The following CTNNA2 variants were observed in gnomAD, a reference collection of about 807,000 sequenced individuals.
The protein encoded by CTNNA2 is catenin alpha-2.
CTNNA2 carries 42 observed loss-of-function variants against 101.0 expected under a neutral mutation model. The observed-to-expected ratio is 0.42, with a 90% CI of 0.32 to 0.54. The LOEUF is 0.54. Ranked by LOEUF, CTNNA2 falls within the 20% of genes least tolerant of loss-of-function variation. CTNNA2 has a pLI of 0.14. For missense variants in CTNNA2, 871 were observed against 1,223.1 expected, an observed-to-expected ratio of 0.71 and a Z score of 4.29; for synonymous variants, 450 against 456.4, an observed-to-expected ratio of 0.99 and a Z score of 0.18.
At chr2:79,516,384 G>A (rs1671810313) in intron 1 of CTNNA2, among the ~76,000 whole-genome samples, 1 of 152,138 alleles carries the variant, frequency 6.6e-6, no homozygotes, top group South Asian at 2.1e-4. Flanking sequence ...GTGTAGCTGG[G>A]AAAATATTAT....
At chr2:80,447,874 C>A (rs946983720) in intron 9 of CTNNA2, among the ~76,000 whole-genome samples, 1 of 152,128 alleles carries the variant, frequency 6.6e-6, no homozygotes, top group Non-Finnish European at 1.5e-5. Flanking sequence ...TGAGAAAGAA[C>A]GCAGAAGCTT....
At chr2:80,164,811 A>T (rs745852145) in intron 7 of CTNNA2, among the ~76,000 whole-genome samples, 2 of 151,820 alleles carry the variant, frequency 1.3e-5, no homozygotes, top group Non-Finnish European at 2.9e-5. Context: ...GAATATTTTC[A>T]TTGGATGTAG....
intron 7 of CTNNA2, among the ~76,000 whole-genome samples, chr2:80,132,934 A>G (rs1702493782): frequency 6.6e-6 from 1 of 152,192 alleles, no homozygotes; most frequent in African/African-American, 2.4e-5. Context: ...ACACCTTGTT[A>G]TGGATTGAAC....
At chr2:80,079,683 G>A (rs1365103420) in intron 7 of CTNNA2, among the ~76,000 whole-genome samples, 14 of 151,706 alleles carry the variant, frequency 9.2e-5, no homozygotes, top group South Asian at 2.1e-4. Context: ...GCGTGGTGGC[G>A]GGCGCCTGTA....
chr2:80,113,290 C>G (rs1048549025), intron 7 of CTNNA2, among the ~76,000 whole-genome samples: 1 of 152,078 alleles, frequency 6.6e-6, no homozygotes, highest in Admixed American at 6.6e-5. Flanking sequence ...TGACAGATAA[C>G]CAGTGGCAAA....
chr2:79,235,683 T>C (rs1674547179), intron 2 of CTNNA2, among the ~76,000 whole-genome samples: 1 of 152,172 alleles, frequency 6.6e-6, no homozygotes, highest in Non-Finnish European at 1.5e-5. Context: ...GGCTTGCCAC[T>C]GCTTAGACAC....
rs536267541 is a variant in CTNNA2 at position 80,331,853 on chromosome 2, A to C, written c.1057-61358A>C. On this transcript the variant is annotated intron_variant, in intron 7 of 18. Coordinates refer to ENST00000402739, the MANE Select transcript of CTNNA2 (RefSeq NM_001282597.3). ...CTTGGCTATGATTGTCATAACTTAC[A>C]CCTTGTCTCGATCTGGGAAAAAATA... is the stretch of plus-strand genomic sequence containing the variant. Among the ~76,000 whole-genome samples the C allele has an allele frequency of 5.3e-5, 8 of 151,854 alleles. No individual in the cohort carries two copies. The East Asian group carries it at 1.6e-3, about 30-fold the overall frequency.
intron 4 of CTNNA2, among the ~76,000 whole-genome samples, chr2:79,423,732 T>C (rs1271881594): frequency 6.6e-6 from 1 of 152,198 alleles, no homozygotes; most frequent in Non-Finnish European, 1.5e-5. Context: ...GGCTTTCAAC[T>C]TAGAGATAAG....
intron 4 of CTNNA2, among the ~76,000 whole-genome samples, chr2:79,862,880 G>GT (rs948438075): frequency 1.3e-5 from 2 of 152,124 alleles, no homozygotes; most frequent in African/African-American, 4.8e-5. Flanking sequence ...ATTCTACCTA[G>GT]TTTTTTAAAA....
At chr2:79,519,369 A>G (rs945865545) in intron 1 of CTNNA2, among the ~76,000 whole-genome samples, 1 of 151,922 alleles carries the variant, frequency 6.6e-6, no homozygotes, top group Non-Finnish European at 1.5e-5. Flanking sequence ...TTTTGAAAAT[A>G]CCTGCTCTGT....
chr2:79,875,707 T>G (rs1237758516), intron 6 of CTNNA2, among the ~76,000 whole-genome samples: 1 of 152,122 alleles, frequency 6.6e-6, no homozygotes, highest in Non-Finnish European at 1.5e-5. Context: ...TATATGTATC[T>G]CACACCATAT....
intron 4 of CTNNA2, among the ~76,000 whole-genome samples, chr2:79,388,793 T>A (rs929830961): frequency 2.0e-5 from 3 of 152,052 alleles, no homozygotes; most frequent in African/African-American, 4.8e-5. Flanking sequence ...CTTTTTTTTT[T>A]AATTTTTTTA....
rs528341684 is a variant in CTNNA2, at chr2:80,189,942, A to T, written c.1057-203269A>T. 9.2e-5 allele frequency among the ~76,000 whole-genome samples: 14 copies of T among 152,196 alleles called. No homozygotes were observed. In the South Asian group the frequency reaches 2.9e-3, roughly 32 times the overall value. On this transcript the variant is annotated intron_variant, in intron 7 of 18. Coordinates refer to ENST00000402739, the MANE Select transcript of CTNNA2 (RefSeq NM_001282597.3). The stretch of plus-strand genomic sequence containing the variant: ...AATCAGAAGATGTTAAAATGGGAGC[A>T]TTCCTTCATGAAAAGCATACACTTA...
At chr2:80,283,143 T>C (rs1674513584) in intron 7 of CTNNA2, among the ~76,000 whole-genome samples, 1 of 152,002 alleles carries the variant, frequency 6.6e-6, no homozygotes, top group South Asian at 2.1e-4. Context: ...GTTTTAATCA[T>C]CAAATAAATT....
chr2:79,670,165 C>T (rs1682731500), intron 2 of CTNNA2, among the ~76,000 whole-genome samples: 1 of 152,190 alleles, frequency 6.6e-6, no homozygotes, highest in Admixed American at 6.5e-5. Context: ...GCCCTGCCAA[C>T]TTGGAAGAGG....
intron 3 of CTNNA2, among the ~76,000 whole-genome samples, chr2:79,802,202 C>G (rs1676220156): frequency 6.6e-6 from 1 of 152,004 alleles, no homozygotes; most frequent in African/African-American, 2.4e-5. Flanking sequence ...CTCAGTATTA[C>G]CATTCATTAT....
At chr2:79,232,180 G>A (rs1674501116) in intron 2 of CTNNA2, among the ~76,000 whole-genome samples, 1 of 152,124 alleles carries the variant, frequency 6.6e-6, no homozygotes, top group Non-Finnish European at 1.5e-5. Context: ...TCAGTGTGAT[G>A]CTGGCTGTGC....
At chr2:79,734,235 G>A (rs1487935748) in intron 2 of CTNNA2, among the ~76,000 whole-genome samples, 1 of 152,048 alleles carries the variant, frequency 6.6e-6, no homozygotes, top group Non-Finnish European at 1.5e-5. Context: ...CATTATTTTA[G>A]TGTCTTAATT....
chr2:79,570,397 A>G (rs900730535), intron 1 of CTNNA2, among the ~76,000 whole-genome samples: 2 of 152,170 alleles, frequency 1.3e-5, no homozygotes, highest in African/African-American at 4.8e-5. Context: ...ATGATGAAAT[A>G]TTCTTGATGG....
Sources: gnomAD v4.1 joint callset for allele counts (sites outside exome capture counted in the v4.1 genomes callset) on GRCh38, gnomAD v4.1.1 for gene constraint, MANE v1.5 for transcripts, NCBI Gene and HGNC (gene_info 2026-07-23, HGNC 2026-07-21) for gene names.